The following ARL5A variants were observed in gnomAD, a reference collection of about 807,000 sequenced individuals.
The protein encoded by ARL5A is ARF like GTPase 5A.
Under a neutral mutation model 25.9 loss-of-function variants are expected in ARL5A, and 18 were observed. The observed-to-expected ratio is 0.69, with a 90% CI of 0.48 to 1.03. ARL5A has a LOEUF of 1.03. ARL5A is among the 50% of genes least tolerant of loss of function. The pLI, the probability that ARL5A is intolerant of heterozygous loss-of-function variation, is 0.00. For missense variants in ARL5A, 170 were observed against 211.9 expected (o/e 0.80, Z 1.23); for synonymous variants, 61 against 67.5 (o/e 0.90, Z 0.47).
Position 151,803,109 on chromosome 2 carries a change from G to A in ARL5A, c.*167C>T, listed in dbSNP as rs116660515. ...AAACTAATGAGAAAGCAAACTGGAA[G>A]GTGAGACTTCATCTTTGTTTTCAAA... On this transcript the variant is annotated 3_prime_UTR_variant, in exon 6 of 6. Coordinates refer to ENST00000295087, the MANE Select transcript of ARL5A (RefSeq NM_012097.4). 10,319 of 547,996 alleles carry A rather than the reference G, an allele frequency of 0.019. 144 individuals carry two copies. Among genetic ancestry groups the A allele is most frequent in the African/African-American group, 0.035 (1,777 of 51,132 alleles). The allele number at this position is 547,996 out of a possible 1,614,324, so 33.9% of individuals were successfully genotyped here.
chr2:151,803,475 G>A (rs2099829693), intron 5 of ARL5A, 151 bp from the exon 6 acceptor site: 2 of 657,200 alleles, frequency 3.0e-6, no homozygotes, highest in East Asian at 5.5e-5. Flanking sequence ...GGCTGCTGCA[G>A]TGAAGCCATA....
rs938745000 is a variant in ARL5A, at chr2:151,799,831, T to C, written c.*3445A>G. ...GTTTGGAAACCATTGTCTATAACAA[T>C]AGTTACAAAGAAAGTTTAGAATAAC... On this transcript the variant is annotated 3_prime_UTR_variant, in exon 6 of 6. Coordinates refer to ENST00000295087, the MANE Select transcript of ARL5A (RefSeq NM_012097.4). The C allele has an allele frequency of 3.3e-5, 5 of 152,160 alleles. No homozygotes were observed. Among genetic ancestry groups the C allele is most frequent in the African/African-American group, 9.6e-5 (4 of 41,456 alleles). 9.4% of individuals were successfully genotyped at this position (152,160 alleles called of 1,614,324 possible).
chr2:151,812,713 T>C (rs2030589), intron 3 of ARL5A, among the ~76,000 whole-genome samples: 14,659 of 152,142 alleles, frequency 0.096, 917 homozygotes, highest in African/African-American at 0.18. Flanking sequence ...TCTTGAATGC[T>C]AATGGACCTA....
intron 4 of ARL5A, among the ~76,000 whole-genome samples, chr2:151,811,174 T>G (rs59839340): frequency 0.025 from 3,752 of 152,266 alleles, 174 homozygotes; most frequent in African/African-American, 0.086. Flanking sequence ...ACTACTTTAC[T>G]AGCTTAGGTT....
intron 4 of ARL5A, 70 bp from the exon 5 acceptor site, chr2:151,807,042 C>CT: frequency 7.2e-7 from 1 of 1,392,856 alleles, no homozygotes; most frequent in Non-Finnish European, 9.8e-7. Context: ...TTAACAGAAT[C>CT]TTTTTCACAA....
At chr2:151,817,124 T>A (rs1392226541) in intron 1 of ARL5A, among the ~76,000 whole-genome samples, 1 of 152,220 alleles carries the variant, frequency 6.6e-6, no homozygotes, top group East Asian at 1.9e-4. Flanking sequence ...CAGCAAACAT[T>A]TCTCTACAGC....
Position 151,802,746 on chromosome 2 carries a change from T to G in ARL5A, c.*530A>C, listed in dbSNP as rs868670084. 1 of 153,220 alleles carries G rather than the reference T, an allele frequency of 6.5e-6. No homozygotes were observed. Among genetic ancestry groups the G allele is most frequent in the African/African-American group, 2.4e-5 (1 of 41,448 alleles). The allele number at this position is 153,220 out of a possible 1,614,324, so 9.5% of individuals were successfully genotyped here. On this transcript the variant is annotated 3_prime_UTR_variant, in exon 6 of 6. Coordinates refer to ENST00000295087, the MANE Select transcript of ARL5A (RefSeq NM_012097.4). ...TTGTGGTTATAACGAAGGATATTAT[T>G]ATTTGTGTTATTTTTGTCTGGAACA...
chr2:151,826,871 C>G (rs1263363938), intron 1 of ARL5A, among the ~76,000 whole-genome samples: 1 of 152,198 alleles, frequency 6.6e-6, no homozygotes, highest in African/African-American at 2.4e-5. Flanking sequence ...TATGAAAAAT[C>G]CTCTTATCAG....
chr2:151,828,199 C>CCG lies in ARL5A; in HGVS notation c.-24_-23insCG, dbSNP rs397951014. 6 of 1,600,956 alleles carry CCG rather than the reference C, an allele frequency of 3.7e-6. No homozygotes were observed. The highest frequency in any genetic ancestry group is 5.1e-6 in the Non-Finnish European group (6 of 1,172,368). ...CATTCTCGGGCAGCGGACCCCCCCC[C>CCG]TCCAGACACCCGGGCCGCCTGGCTT... On this transcript the variant is annotated 5_prime_UTR_variant, in exon 1 of 6. Coordinates refer to ENST00000295087, the MANE Select transcript of ARL5A (RefSeq NM_012097.4).
intron 1 of ARL5A, among the ~76,000 whole-genome samples, chr2:151,826,014 C>T (rs896327482): frequency 2.0e-5 from 3 of 151,860 alleles, no homozygotes; most frequent in Admixed American, 6.6e-5. Context: ...TCCAGCCACT[C>T]GGGAGGCTGA....
chr2:151,820,893 T>C (rs753518157), intron 1 of ARL5A, among the ~76,000 whole-genome samples: 6 of 152,032 alleles, frequency 3.9e-5, no homozygotes, highest in Non-Finnish European at 8.8e-5. Flanking sequence ...AAAGGTAAAA[T>C]GGCTATGAAC....
At chr2:151,812,612 T>A (rs186511618) in intron 3 of ARL5A, among the ~76,000 whole-genome samples, 172 bp from the exon 4 acceptor site, 1 of 152,306 alleles carries the variant, frequency 6.6e-6, no homozygotes, top group Admixed American at 6.5e-5. Context: ...TGATCGATTT[T>A]AATATATTTA....
chr2:151,822,223 C>G (rs1379064803), intron 1 of ARL5A, among the ~76,000 whole-genome samples: 1 of 152,174 alleles, frequency 6.6e-6, no homozygotes, highest in Non-Finnish European at 1.5e-5. Flanking sequence ...GTTGGCCAAG[C>G]TGGTCTTGAA....
chr2:151,805,891 T>C (rs1041606455), intron 5 of ARL5A, among the ~76,000 whole-genome samples: 68 of 152,318 alleles, frequency 4.5e-4, no homozygotes, highest in Middle Eastern at 3.4e-3. Flanking sequence ...AATTGTACTT[T>C]AGTTTGGTCC....
chr2:151,810,073 ACT>A (rs2099830634), intron 4 of ARL5A, among the ~76,000 whole-genome samples: 2 of 152,118 alleles, frequency 1.3e-5, no homozygotes, highest in Non-Finnish European at 1.5e-5. Context: ...ACAGAGTAAG[ACT>A]CTGTATCAAA....
At chr2:151,825,865 CTGTAATCCCAGCACT>C (rs2099832986) in intron 1 of ARL5A, among the ~76,000 whole-genome samples, 1 of 151,914 alleles carries the variant, frequency 6.6e-6, no homozygotes, top group Admixed American at 6.6e-5. Flanking sequence ...TGGCTCAGGC[CTGTAATCCCAGCACT>C]TTGGGAGCCC....
In ARL5A at chr2:151,812,548, T is replaced by C. The variant is rs190949041; in HGVS notation, c.256-108A>G. 5.3e-4 allele frequency: 358 copies of C among 671,274 alleles called. 3 individuals are homozygous for C. The African/African-American group carries it at 6.0e-3, about 11-fold the overall frequency. 41.6% of individuals were successfully genotyped at this position (671,274 alleles called of 1,614,324 possible). ...CTATTAATATCAAGAAATTGGAATC[T>C]TATGGTATTGTTGGAAAATCAGAGC... On this transcript the variant is annotated intron_variant, in intron 3 of 5. Transcript: ENST00000295087.
intron 4 of ARL5A, among the ~76,000 whole-genome samples, chr2:151,810,078 G>C (rs1030496078): frequency 3.9e-5 from 6 of 152,046 alleles, no homozygotes; most frequent in African/African-American, 1.4e-4. Context: ...GTAAGACTCT[G>C]TATCAAAACA....
In ARL5A at chr2:151,800,218, T is replaced by C. The variant is rs1225306835; in HGVS notation, c.*3058A>G. On this transcript the variant is annotated 3_prime_UTR_variant, in exon 6 of 6. Coordinates refer to ENST00000295087, the MANE Select transcript of ARL5A (RefSeq NM_012097.4). ...CTAATATAAACAGGTTTGGAGGTTG[T>C]CTGTACTGTATGTGGTTGCTGTAGT... The C allele has an allele frequency of 7.7e-6, 1 of 129,770 alleles. No individual in the cohort carries two copies. Among genetic ancestry groups the C allele is most frequent in the Admixed American group, 8.7e-5 (1 of 11,478 alleles). 8.0% of individuals were successfully genotyped at this position (129,770 alleles called of 1,614,324 possible). A position where few individuals can be genotyped will look rare whatever the true frequency, so the allele number is the denominator to read the frequency against.
Sources: allele counts gnomAD v4.1 joint callset (sites outside exome capture counted in the v4.1 genomes callset), GRCh38; gene constraint gnomAD v4.1.1; transcripts MANE v1.5; gene names NCBI Gene and HGNC (gene_info 2026-07-23, HGNC 2026-07-21).